Variants in PARD3B observed in about 807,000 individuals in gnomAD.
PARD3B encodes the protein par-3 family cell polarity regulator beta.
A neutral mutation model predicts 130.2 loss-of-function variants in PARD3B; 103 were observed. The ratio of observed to expected loss-of-function variants is 0.79; its 90% CI spans 0.67 to 0.93. The LOEUF (loss-of-function observed/expected upper bound fraction) is 0.93. PARD3B is among the 40% of genes least tolerant of loss of function. The pLI, the probability that PARD3B is intolerant of heterozygous loss-of-function variation, is 0.00. For synonymous variants in PARD3B, 583 were observed against 553.2 expected (o/e 1.05, Z -0.76); for missense variants, 1,609 against 1,499.2 (o/e 1.07, Z -1.21).
At chr2:205,147,736 T>A (rs2125688034) in intron 10 of PARD3B, among the ~76,000 whole-genome samples, 1 of 152,308 alleles carries the variant, frequency 6.6e-6, no homozygotes, top group African/African-American at 2.4e-5. Context: ...GGACGTATAT[T>A]TAAGATAGTC....
chr2:204,659,567 T>A (rs1438518003), intron 1 of PARD3B, among the ~76,000 whole-genome samples: 1 of 152,132 alleles, frequency 6.6e-6, no homozygotes, highest in Non-Finnish European at 1.5e-5. Flanking sequence ...TACACTGGAA[T>A]GCAGGCCCAC....
chr2:205,029,457 T>G (rs1161981733), intron 3 of PARD3B, among the ~76,000 whole-genome samples: 1 of 152,206 alleles, frequency 6.6e-6, no homozygotes, highest in African/African-American at 2.4e-5. Flanking sequence ...CTCATTCATC[T>G]AAGTTTTCCC....
At chr2:205,139,176 A>AT (rs113022094) in intron 10 of PARD3B, among the ~76,000 whole-genome samples, 4,725 of 147,392 alleles carry the variant, frequency 0.032, 230 homozygotes, top group African/African-American at 0.11. Flanking sequence ...ATTTATCAGT[A>AT]TTTTTTTTTT....
Position 204,967,618 on chromosome 2 carries a change from C to G in PARD3B, c.394+2295C>G, listed in dbSNP as rs139803258. ...AAAAAAATCATCCCTTACCCACTTTCATGGTTCTAGCAGTTTGAGTACTTT... is the reference window on the plus strand; with the variant it reads ...AAAAAAATCATCCCTTACCCACTTTGATGGTTCTAGCAGTTTGAGTACTTT... On this transcript the variant is annotated intron_variant, in intron 3 of 22. Coordinates refer to ENST00000406610, the MANE Select transcript of PARD3B (RefSeq NM_001302769.2). The surrounding 1 kb of genome is among the most constrained non-coding windows in gnomAD (Gnocchi z 4.4). Among the ~76,000 whole-genome samples, 210 of 152,268 alleles carry G rather than the reference C, an allele frequency of 1.4e-3. 1 individual carries two copies. The highest frequency in any genetic ancestry group is 4.9e-3 in the African/African-American group (202 of 41,544).
At position 205,007,130 on chromosome 2, in the gene PARD3B, G is replaced by A. The variant is rs992289065; in HGVS notation, c.395-40451G>A. Among the ~76,000 whole-genome samples, 4 of 152,046 alleles carry A rather than the reference G, an allele frequency of 2.6e-5. No homozygotes were observed. In the East Asian group the frequency reaches 5.8e-4, roughly 22 times the overall value. ...GAGTGAGTTCTTGTGAAATCTGATGGTTTTATAAGCATCTGGTATTTCCCC... is the reference window on the plus strand; with the variant it reads ...GAGTGAGTTCTTGTGAAATCTGATGATTTTATAAGCATCTGGTATTTCCCC... On this transcript the variant is annotated intron_variant, in intron 3 of 22. Coordinates refer to ENST00000406610, the MANE Select transcript of PARD3B (RefSeq NM_001302769.2).
chr2:205,239,433 G>T (rs1160160180), intron 15 of PARD3B, among the ~76,000 whole-genome samples: 1 of 151,864 alleles, frequency 6.6e-6, no homozygotes, highest in Non-Finnish European at 1.5e-5. Flanking sequence ...TATGTCATTT[G>T]TATCTCCTCA....
intron 10 of PARD3B, among the ~76,000 whole-genome samples, chr2:205,133,526 A>G (rs1050048625): frequency 8.5e-5 from 13 of 152,172 alleles, no homozygotes; most frequent in African/African-American, 3.1e-4. Flanking sequence ...TTTGAGAACC[A>G]TTGGAATAGT....
At chr2:205,502,941 C>T (rs1408338083) in intron 21 of PARD3B, among the ~76,000 whole-genome samples, 10 of 151,926 alleles carry the variant, frequency 6.6e-5, no homozygotes, top group Admixed American at 6.6e-4. Context: ...CTTTCTCTTA[C>T]TCCTCCCTAG....
intron 1 of PARD3B, among the ~76,000 whole-genome samples, chr2:204,578,451 G>GTA (rs1335186565): frequency 4.6e-5 from 7 of 152,034 alleles, no homozygotes; most frequent in African/African-American, 9.7e-5. Context: ...ATACTTCTTT[G>GTA]TATATATATA....
intron 19 of PARD3B, among the ~76,000 whole-genome samples, chr2:205,425,355 T>G (rs1404859001): frequency 6.6e-6 from 1 of 152,122 alleles, no homozygotes; most frequent in African/African-American, 2.4e-5. Context: ...TTAATGGGTC[T>G]GGGAAAGGTA....
At chr2:205,547,805 C>T (rs1329042729) in intron 21 of PARD3B, among the ~76,000 whole-genome samples, 1 of 152,178 alleles carries the variant, frequency 6.6e-6, no homozygotes, top group East Asian at 1.9e-4. Context: ...GAAGTATGGC[C>T]ACTGCCTCAA....
At chr2:205,016,607 G>A (rs1696169508) in intron 3 of PARD3B, among the ~76,000 whole-genome samples, 1 of 152,158 alleles carries the variant, frequency 6.6e-6, no homozygotes, top group Non-Finnish European at 1.5e-5. Context: ...GATTCCCATG[G>A]AAACGAGGAT....
intron 18 of PARD3B, among the ~76,000 whole-genome samples, chr2:205,330,917 C>G (rs1341204963): frequency 6.6e-6 from 1 of 152,098 alleles, no homozygotes; most frequent in African/African-American, 2.4e-5. Context: ...TTATTGAGGG[C>G]CATTCATGGG....
chr2:204,560,394 T>A (rs1043703492), intron 1 of PARD3B, among the ~76,000 whole-genome samples: 1 of 152,096 alleles, frequency 6.6e-6, no homozygotes, highest in African/African-American at 2.4e-5. Flanking sequence ...CCAGTGGGCT[T>A]ATAGATTTAA....
At chr2:205,409,927 G>T (rs147033613) in intron 19 of PARD3B, among the ~76,000 whole-genome samples, 1 of 152,190 alleles carries the variant, frequency 6.6e-6, no homozygotes, top group East Asian at 1.9e-4. Context: ...CGCTGATCCA[G>T]GATATTTGGT....
chr2:204,987,523 G>C (rs1195752344), intron 3 of PARD3B, among the ~76,000 whole-genome samples: 1 of 152,120 alleles, frequency 6.6e-6, no homozygotes. Flanking sequence ...TTTCTAGAAG[G>C]TATGTTGATG....
intron 18 of PARD3B, among the ~76,000 whole-genome samples, chr2:205,362,363 T>C (rs541832395): frequency 1.8e-4 from 28 of 152,356 alleles, no homozygotes; most frequent in South Asian, 4.1e-4. Context: ...TCATGTTCAA[T>C]AGGTTCTGCA....
At chr2:205,554,614 T>G (rs1025067038) in intron 22 of PARD3B, among the ~76,000 whole-genome samples, 2 of 152,208 alleles carry the variant, frequency 1.3e-5, no homozygotes, top group African/African-American at 4.8e-5. Context: ...TTCCTTGGCT[T>G]AGTACAACTG....
intron 2 of PARD3B, among the ~76,000 whole-genome samples, chr2:204,708,314 T>A (rs1198116849): frequency 6.6e-6 from 1 of 152,206 alleles, no homozygotes; most frequent in Non-Finnish European, 1.5e-5. Flanking sequence ...ATATTTTTAA[T>A]GTGTGTACTT....
Sources: gnomAD v4.1 joint callset for allele counts (sites outside exome capture counted in the v4.1 genomes callset) on GRCh38, gnomAD v4.1.1 for gene constraint, Gnocchi (gnomAD v3.1) non-coding constraint, MANE v1.5 for transcripts, NCBI Gene and HGNC (gene_info 2026-07-23, HGNC 2026-07-21) for gene names.